The following MYO5B variants were observed in gnomAD, a reference collection of about 807,000 sequenced individuals.
The protein encoded by MYO5B is myosin VB.
MYO5B carries 143 observed loss-of-function variants against 229.3 expected under a neutral mutation model. The observed-to-expected ratio is 0.62, with a 90% confidence interval of 0.54 to 0.72. MYO5B has a LOEUF of 0.72. Among genes scored for constraint, MYO5B ranks in the 30% least tolerant of loss-of-function variants. The pLI, the probability that MYO5B is intolerant of heterozygous loss-of-function variation, is 0.00. For missense variants in MYO5B, 2,321 were observed against 2,331.0 expected (o/e 1.00, Z 0.09); for synonymous variants, 918 against 885.2 (o/e 1.04, Z -0.66).
intron 11 of MYO5B, 148 bp downstream of exon 11, chr18:49,962,801 C>T (rs1049444162): frequency 1.8e-5 from 14 of 767,660 alleles, no homozygotes; most frequent in Admixed American, 3.6e-5. Flanking sequence ...GAGCCCCTTC[C>T]GAAAGCTGGA....
chr18:50,033,791 T>C (rs1415448502), intron 4 of MYO5B, among the ~76,000 whole-genome samples: 2 of 152,174 alleles, frequency 1.3e-5, no homozygotes, highest in Admixed American at 6.5e-5. Context: ...TGAATCTGCA[T>C]TCACCCTCAA....
At chr18:49,896,617 G>C (rs1233141687) in intron 21 of MYO5B, among the ~76,000 whole-genome samples, 2 of 152,126 alleles carry the variant, frequency 1.3e-5, no homozygotes, top group African/African-American at 4.8e-5. Flanking sequence ...AGGATAACTA[G>C]GCAGGAGGTC....
chr18:50,158,790 T>C (rs898696132), intron 1 of MYO5B, among the ~76,000 whole-genome samples: 1 of 152,180 alleles, frequency 6.6e-6, no homozygotes, highest in Non-Finnish European at 1.5e-5. Flanking sequence ...GGAGCCGGTG[T>C]TCTCTGAGGC....
At chr18:50,021,255 T>C (rs370455059) in intron 4 of MYO5B, among the ~76,000 whole-genome samples, 6 of 152,198 alleles carry the variant, frequency 3.9e-5, no homozygotes, top group Non-Finnish European at 7.3e-5. Flanking sequence ...AATTATTTAG[T>C]GCAAGCCTGG....
At chr18:50,145,031 G>A (rs1453219041) in intron 1 of MYO5B, among the ~76,000 whole-genome samples, 1 of 152,150 alleles carries the variant, frequency 6.6e-6, no homozygotes, top group African/African-American at 2.4e-5. Context: ...TAACTTCTGG[G>A]AGAGGCAACA....
intron 1 of MYO5B, among the ~76,000 whole-genome samples, chr18:50,059,868 G>T (rs911064695): frequency 9.2e-5 from 14 of 152,176 alleles, no homozygotes; most frequent in African/African-American, 3.1e-4. Context: ...TGCCTCATAT[G>T]CTGGCTTTGC....
chr18:50,112,194 T>C (rs565894436), intron 1 of MYO5B, among the ~76,000 whole-genome samples: 5 of 152,202 alleles, frequency 3.3e-5, no homozygotes, highest in African/African-American at 7.2e-5. Context: ...CTCCTAAATA[T>C]TGAGTAGGGA....
chr18:50,048,119 A>T (rs1042362956), intron 2 of MYO5B, among the ~76,000 whole-genome samples: 4 of 151,536 alleles, frequency 2.6e-5, no homozygotes, highest in Non-Finnish European at 4.4e-5. Flanking sequence ...GTACAAAAAA[A>T]AAAACACAAA....
intron 1 of MYO5B, among the ~76,000 whole-genome samples, chr18:50,139,507 T>C (rs530241048): frequency 2.0e-5 from 3 of 152,328 alleles, no homozygotes; most frequent in South Asian, 2.1e-4. Context: ...GCTTTCTTCA[T>C]TGGCACGACT....
In MYO5B at chr18:50,055,250, C is replaced by CCCCCCCCCCCA; in HGVS notation, c.138+17_138+18insTGGGGGGGGGG. ...GCCCCACCTCACCCCCGCCCCCCTG[C>CCCCCCCCCCCA]CCCGGACTCACTCTTACCGTTTCAT... On this transcript the variant is annotated intron_variant, in intron 2 of 39. Transcript: ENST00000285039. 1 of 1,339,642 alleles carries CCCCCCCCCCCA rather than the reference C, an allele frequency of 7.5e-7. No homozygotes were observed. Among genetic ancestry groups the CCCCCCCCCCCA allele is most frequent in the Non-Finnish European group, 1.1e-6 (1 of 935,776 alleles). The allele number at this position is 1,339,642 out of a possible 1,614,324, so 83.0% of individuals were successfully genotyped here.
At chr18:49,853,713 G>A (rs1175967109) in intron 30 of MYO5B, 66 bp from the exon 31 acceptor site, 3 of 1,477,222 alleles carry the variant, frequency 2.0e-6, no homozygotes, top group African/African-American at 1.4e-5. Flanking sequence ...GGGGACACAG[G>A]CAGAAACATA....
At chr18:49,956,657 A>T (rs542059703) in intron 12 of MYO5B, among the ~76,000 whole-genome samples, 294 of 127,092 alleles carry the variant, frequency 2.3e-3, no homozygotes, top group Non-Finnish European at 4.1e-3. Flanking sequence ...TGAATCCTTT[A>T]AAAAGGAAAT....
At chr18:49,887,603 C>T (rs2024658619) in intron 22 of MYO5B, among the ~76,000 whole-genome samples, 1 of 152,120 alleles carries the variant, frequency 6.6e-6, no homozygotes, top group Non-Finnish European at 1.5e-5. Flanking sequence ...AGGACAGATG[C>T]CAGCACTACA....
At chr18:50,033,485 C>A (rs1304282053) in intron 4 of MYO5B, among the ~76,000 whole-genome samples, 1 of 152,182 alleles carries the variant, frequency 6.6e-6, no homozygotes, top group Non-Finnish European at 1.5e-5. Context: ...AGACAGTGAG[C>A]CCCTTAAGAA....
chr18:49,963,317 CCAGTTATAT>C (rs1219344440), intron 10 of MYO5B, among the ~76,000 whole-genome samples: 1 of 151,712 alleles, frequency 6.6e-6, no homozygotes, highest in African/African-American at 2.4e-5. Context: ...ATATTGACCA[CCAGTTATAT>C]CTTGGTGGGT....
intron 17 of MYO5B, among the ~76,000 whole-genome samples, chr18:49,915,990 C>T (rs1484649937): frequency 6.6e-6 from 1 of 152,196 alleles, no homozygotes; most frequent in East Asian, 1.9e-4. Flanking sequence ...GGTCCCTGTG[C>T]TCACCATCCA....
At chr18:49,943,434 G>A (rs886557843) in intron 14 of MYO5B, among the ~76,000 whole-genome samples, 13 of 152,098 alleles carry the variant, frequency 8.5e-5, no homozygotes, top group African/African-American at 3.1e-4. Context: ...AGATGGCAAG[G>A]TAACTAGTGA....
intron 12 of MYO5B, among the ~76,000 whole-genome samples, chr18:49,959,347 G>T (rs1477634211): frequency 1.3e-5 from 2 of 152,210 alleles, no homozygotes; most frequent in South Asian, 2.1e-4. Flanking sequence ...CATAAATGTG[G>T]CAAGGGCACT....
chr18:49,872,938 T>C (rs1176213585), intron 26 of MYO5B, among the ~76,000 whole-genome samples: 1 of 152,214 alleles, frequency 6.6e-6, no homozygotes, highest in Non-Finnish European at 1.5e-5. Context: ...TAAAACTACG[T>C]CTCTAGTAAC....
Sources: allele counts gnomAD v4.1 joint callset (sites outside exome capture counted in the v4.1 genomes callset), GRCh38; gene constraint gnomAD v4.1.1; transcripts MANE v1.5; gene names NCBI Gene and HGNC (gene_info 2026-07-23, HGNC 2026-07-21).